GRIP2: variants seen among roughly 807,000 people sequenced by gnomAD.
GRIP2 encodes the protein glutamate receptor-interacting protein 2.
GRIP2 carries 58 observed loss-of-function variants against 108.3 expected under a neutral mutation model. The ratio of observed to expected loss-of-function variants is 0.54; its 90% CI spans 0.43 to 0.67. The LOEUF (loss-of-function observed/expected upper bound fraction) is 0.67. Ranked by LOEUF, GRIP2 falls within the 30% of genes least tolerant of loss-of-function variation. GRIP2 has a pLI of 0.00. For missense variants in GRIP2, 1,278 were observed against 1,430.6 expected (o/e 0.89, Z 1.72); for synonymous variants, 586 against 598.2 (o/e 0.98, Z 0.30).
At position 14,521,539 on chromosome 3, in the gene GRIP2, G is replaced by A. The variant is rs1694407791; in HGVS notation, c.712+103C>T. 6 of 1,280,614 alleles carry A rather than the reference G, an allele frequency of 4.7e-6. No homozygotes were observed. Among genetic ancestry groups the A allele is most frequent in the Admixed American group, 2.7e-5 (1 of 36,722 alleles). The allele number at this position is 1,280,614 out of a possible 1,614,324, so 79.3% of individuals were successfully genotyped here. On this transcript the variant is annotated intron_variant, in intron 7 of 23. Coordinates refer to ENST00000621039, the MANE Select transcript of GRIP2 (RefSeq NM_001080423.4). This position sits in a 1 kb window ranked among gnomAD's most constrained non-coding sequence, Gnocchi z 5.1. ...AGCTGTGACTGGCCCAAGGTCATAA[G>A]GTCATGCAGCCTTTGCAGTGGTAAA... is the stretch of plus-strand genomic sequence containing the variant.
chr3:14,565,759 C>T, the GRIP2 span, among the ~76,000 whole-genome samples: 1 of 152,198 alleles, frequency 6.6e-6, no homozygotes, highest in South Asian at 2.1e-4. Context: ...GCCCTTCACG[C>T]GGGCAGTCTG....
chr3:14,544,565 C>T (rs1695029224), upstream of GRIP2, among the ~76,000 whole-genome samples: 1 of 152,156 alleles, frequency 6.6e-6, no homozygotes, highest in African/African-American at 2.4e-5. Context: ...CACCAGGGGC[C>T]CTGAGTGACA....
At chr3:14,600,559 C>T in the GRIP2 span, among the ~76,000 whole-genome samples, 1 of 152,162 alleles carries the variant, frequency 6.6e-6, no homozygotes, top group Non-Finnish European at 1.5e-5. Context: ...ACATCCCTCC[C>T]GCTGGCTGGG....
intron 1 of GRIP2, among the ~76,000 whole-genome samples, chr3:14,533,580 T>A (rs902024195): frequency 4.6e-5 from 7 of 151,834 alleles, no homozygotes; most frequent in Admixed American, 1.3e-4. Flanking sequence ...CCCCAAGAGC[T>A]GGATGCTGAA....
intron 21 of GRIP2, among the ~76,000 whole-genome samples, chr3:14,499,094 G>T (rs897361639): frequency 3.3e-5 from 5 of 152,162 alleles, no homozygotes; most frequent in Non-Finnish European, 7.4e-5. Flanking sequence ...GGGAGGGGGA[G>T]GATCACTTGT....
the GRIP2 span, among the ~76,000 whole-genome samples, chr3:14,567,376 C>T: frequency 6.6e-6 from 1 of 152,192 alleles, no homozygotes; most frequent in African/African-American, 2.4e-5. Context: ...CCAACCATCC[C>T]TCATGCCCTC....
Position 14,524,227 on chromosome 3 carries a change from G to A in GRIP2, c.403+166C>T, listed in dbSNP as rs111279697. The A allele has an allele frequency of 2.8e-3, 1,888 of 682,978 alleles. 33 individuals are homozygous for A. The African/African-American group carries it at 0.029, about 11-fold the overall frequency. The allele number at this position is 682,978 out of a possible 1,614,324, so 42.3% of individuals were successfully genotyped here. A position where few individuals can be genotyped will look rare whatever the true frequency, so the allele number is the denominator to read the frequency against. On this transcript the variant is annotated intron_variant, in intron 4 of 23. Coordinates refer to ENST00000621039, the MANE Select transcript of GRIP2 (RefSeq NM_001080423.4). ...CCACCTCCTGGTGACAGCATACTGC[G>A]GTTGTAGGCACAGCCCCTAGGCGAG...
upstream of GRIP2, chr3:14,541,801 C>T: frequency 9.0e-7 from 1 of 1,108,584 alleles, no homozygotes; most frequent in Non-Finnish European, 1.2e-6. Flanking sequence ...GGTCAGATTG[C>T]AGAGGGAAGA....
chr3:14,542,639 T>C (rs1230137380), upstream of GRIP2, among the ~76,000 whole-genome samples: 1 of 152,208 alleles, frequency 6.6e-6, no homozygotes, highest in Non-Finnish European at 1.5e-5. Flanking sequence ...TGCCGTGGAT[T>C]ATGGGAGAGC....
rs147230097 is a variant in GRIP2, at chr3:14,493,267, G to A, written c.*398C>T. On this transcript the variant is annotated 3_prime_UTR_variant, in exon 24 of 24. Transcript: ENST00000621039. ...TGTGACCGAGAACTCACTCCTCCTT[G>A]CAGCTCATTCCAGCTCCATGGCTTT... 197 of 182,138 alleles carry A rather than the reference G, an allele frequency of 1.1e-3. No homozygotes were observed. The highest frequency in any genetic ancestry group is 4.2e-3 in the African/African-American group (180 of 42,744). 11.3% of individuals were successfully genotyped at this position (182,138 alleles called of 1,614,324 possible). A position where few individuals can be genotyped will look rare whatever the true frequency, so the allele number is the denominator to read the frequency against.
chr3:14,527,812 C>G (rs550785188), intron 1 of GRIP2, among the ~76,000 whole-genome samples: 1 of 152,266 alleles, frequency 6.6e-6, no homozygotes, highest in South Asian at 2.1e-4. Flanking sequence ...CGGAGAATCG[C>G]TTGAACCCAG....
At chr3:14,541,199 C>A (rs1261879006), upstream of GRIP2, among the ~76,000 whole-genome samples, 9 of 152,226 alleles carry the variant, frequency 5.9e-5, no homozygotes, top group Non-Finnish European at 1.3e-4. Context: ...GAAGGGGTGG[C>A]AGGCTGCACC....
At chr3:14,502,355 A>G (rs150505179) in intron 21 of GRIP2, among the ~76,000 whole-genome samples, 1,914 of 152,150 alleles carry the variant, frequency 0.013, 41 homozygotes, top group African/African-American at 0.043. Flanking sequence ...TTAGCTGGGC[A>G]TGGTGGCACA....
upstream of GRIP2, among the ~76,000 whole-genome samples, chr3:14,544,814 G>A (rs1176850509): frequency 1.3e-5 from 2 of 152,192 alleles, no homozygotes; most frequent in African/African-American, 4.8e-5. Context: ...TGGGGAAACT[G>A]AGGCTCAGTC....
chr3:14,531,510 C>A (rs975198554), intron 1 of GRIP2, among the ~76,000 whole-genome samples: 1 of 152,190 alleles, frequency 6.6e-6, no homozygotes, highest in African/African-American at 2.4e-5. Flanking sequence ...CCTGATGGGG[C>A]ATATTCTGGT....
intron 21 of GRIP2, among the ~76,000 whole-genome samples, chr3:14,500,021 T>C (rs1159645130): frequency 6.6e-6 from 1 of 150,682 alleles, no homozygotes; most frequent in East Asian, 1.9e-4. Flanking sequence ...TGTAGAAAAA[T>C]AAGAAAATAA....
In GRIP2 at chr3:14,491,393, G is replaced by C. The variant is rs929778666; in HGVS notation, c.*2272C>G. On this transcript the variant is annotated 3_prime_UTR_variant, in exon 24 of 24. Transcript: ENST00000621039. ...CTCAGCCAGAGAAAAATACAGCTTTGGGGGAGAGGGCAGGTGGAAGGGGAC... is the reference window on the plus strand; with the variant it reads ...CTCAGCCAGAGAAAAATACAGCTTTCGGGGAGAGGGCAGGTGGAAGGGGAC... 11 of 152,326 alleles carry C rather than the reference G, an allele frequency of 7.2e-5. No homozygotes were observed. Among genetic ancestry groups the C allele is most frequent in the African/African-American group, 2.6e-4 (11 of 41,560 alleles). The allele number at this position is 152,326 out of a possible 1,614,324, so 9.4% of individuals were successfully genotyped here.
intron 1 of GRIP2, among the ~76,000 whole-genome samples, chr3:14,554,854 C>G (rs922321553): frequency 6.6e-6 from 1 of 152,188 alleles, no homozygotes; most frequent in African/African-American, 2.4e-5. Flanking sequence ...CTTGCAGGGC[C>G]ACTGTGAGGA....
chr3:14,537,898 C>T (rs1254881696), intron 1 of GRIP2, among the ~76,000 whole-genome samples: 2 of 152,220 alleles, frequency 1.3e-5, no homozygotes, highest in Admixed American at 1.3e-4. Flanking sequence ...GCAGGCCTCC[C>T]GTCCTCAAGG....
Sources: gnomAD v4.1 joint callset for allele counts (sites outside exome capture counted in the v4.1 genomes callset) on GRCh38, gnomAD v4.1.1 for gene constraint, Gnocchi (gnomAD v3.1) non-coding constraint, MANE v1.5 for transcripts, NCBI Gene and HGNC (gene_info 2026-07-23, HGNC 2026-07-21) for gene names.